Variants in CCBE1 observed in about 807,000 individuals in gnomAD.
CCBE1 encodes collagen and calcium binding EGF domains 1.
A neutral mutation model predicts 50.0 loss-of-function variants in CCBE1; 37 were observed. That is an observed-to-expected ratio of 0.74 (90% confidence interval 0.57 to 0.97). The LOEUF (loss-of-function observed/expected upper bound fraction) is 0.97, where lower values mean the gene tolerates loss of function less well. Among genes scored for constraint, CCBE1 ranks in the 50% least tolerant of loss-of-function variants. The probability of loss-of-function intolerance (pLI) is 0.00; values close to 1 mark genes in which losing one functional copy is unlikely to be tolerated. For missense variants in CCBE1, 538 were observed against 523.8 expected, an observed-to-expected ratio of 1.03 and a Z score of -0.26; for synonymous variants, 234 against 203.7, an observed-to-expected ratio of 1.15 and a Z score of -1.27.
In CCBE1 at chr18:59,506,116, G is replaced by T. The variant is rs1228701627; in HGVS notation, c.213-25878C>A. On this transcript the variant is annotated intron_variant, in intron 2 of 10. Transcript: ENST00000439986. The stretch of plus-strand genomic sequence containing the variant: ...TAAGAATTGGGATGAGATAATTATT[G>T]GATTAGGATGGACCCTAAATCAATA... 2.6e-5 allele frequency among the ~76,000 whole-genome samples: 4 copies of T among 152,160 alleles called. No individual in the cohort carries two copies. In the South Asian group the frequency reaches 6.2e-4, roughly 24 times the overall value.
At chr18:59,548,250 G>C (rs935394906) in intron 2 of CCBE1, among the ~76,000 whole-genome samples, 1 of 152,196 alleles carries the variant, frequency 6.6e-6, no homozygotes, top group Non-Finnish European at 1.5e-5. Context: ...TTAAAAGAAA[G>C]ATATCTTTGT....
chr18:59,443,402 A>G (rs943325594), intron 7 of CCBE1, among the ~76,000 whole-genome samples: 1 of 152,088 alleles, frequency 6.6e-6, no homozygotes, highest in Admixed American at 6.5e-5. Flanking sequence ...GGGATGAGGG[A>G]AGAGAGAGTG....
intron 2 of CCBE1, among the ~76,000 whole-genome samples, chr18:59,612,330 G>GA (rs5825351): frequency 0.36 from 46,593 of 130,462 alleles, 8,338 homozygotes; most frequent in East Asian, 0.63. Context: ...AGAAAAAAAA[G>GA]AAAAAAAAAA....
At chr18:59,494,586 A>T (rs997193277) in intron 2 of CCBE1, among the ~76,000 whole-genome samples, 4 of 152,070 alleles carry the variant, frequency 2.6e-5, no homozygotes, top group African/African-American at 9.7e-5. Context: ...GATATACAGA[A>T]TAAAAAAATC....
At chr18:59,603,399 C>G (rs1302293247) in intron 2 of CCBE1, among the ~76,000 whole-genome samples, 1 of 152,142 alleles carries the variant, frequency 6.6e-6, no homozygotes, top group East Asian at 1.9e-4. Context: ...CAATCACTCA[C>G]CTCTACCCCT....
intron 2 of CCBE1, among the ~76,000 whole-genome samples, chr18:59,547,324 TGACCTTAGAGAAA>T (rs1915745859): frequency 6.6e-6 from 1 of 152,054 alleles, no homozygotes; most frequent in African/African-American, 2.4e-5. Context: ...GAGTTCGAGT[TGACCTTAGAGAAA>T]ACAGTAGAGC....
chr18:59,440,455 T>C (rs1272107161), intron 7 of CCBE1, among the ~76,000 whole-genome samples: 1 of 152,208 alleles, frequency 6.6e-6, no homozygotes, highest in Non-Finnish European at 1.5e-5. Context: ...TTGCTTTGAC[T>C]CTTGCCTCAT....
At chr18:59,674,745 T>TA (rs2054477031) in intron 2 of CCBE1, among the ~76,000 whole-genome samples, 1 of 152,238 alleles carries the variant, frequency 6.6e-6, no homozygotes, top group African/African-American at 2.4e-5. Flanking sequence ...TCTCTTCTGC[T>TA]ATTACACAAT....
In CCBE1 at chr18:59,611,699, T is replaced by A. The variant is rs2053570632; in HGVS notation, c.212+84930A>T. Among the ~76,000 whole-genome samples, 8 of 152,236 alleles carry A rather than the reference T, an allele frequency of 5.3e-5. No individual in the cohort carries two copies. The South Asian group carries it at 1.7e-3, about 32-fold the overall frequency. Reference sequence around the variant, plus strand: ...AGGCTGAGGTTGCAGTGAACCAAGATTGTGCCACTGCACTCCAGCATGGGC... The same window carrying A: ...AGGCTGAGGTTGCAGTGAACCAAGAATGTGCCACTGCACTCCAGCATGGGC... On this transcript the variant is annotated intron_variant, in intron 2 of 10. Coordinates refer to ENST00000439986, the MANE Select transcript of CCBE1 (RefSeq NM_133459.4).
intron 2 of CCBE1, among the ~76,000 whole-genome samples, chr18:59,629,907 C>G (rs2053830503): frequency 6.6e-6 from 1 of 152,194 alleles, no homozygotes; most frequent in Admixed American, 6.5e-5. Flanking sequence ...AACTTCATCC[C>G]AGTTCTCTGC....
chr18:59,512,175 C>T lies in CCBE1; in HGVS notation c.213-31937G>A, dbSNP rs572714586. On this transcript the variant is annotated intron_variant, in intron 2 of 10. Coordinates refer to ENST00000439986, the MANE Select transcript of CCBE1 (RefSeq NM_133459.4). ...GTCCCTTTAAATGATACCAAAGAAG[C>T]GAAGTGCTGGGTAGAGAAGGGTGTG... is the stretch of plus-strand genomic sequence containing the variant. 6.6e-5 allele frequency among the ~76,000 whole-genome samples: 10 copies of T among 152,280 alleles called. 1 individual carries two copies. In the South Asian group the frequency reaches 1.7e-3, roughly 25 times the overall value.
chr18:59,625,193 A>C (rs2053764432), intron 2 of CCBE1, among the ~76,000 whole-genome samples: 1 of 152,178 alleles, frequency 6.6e-6, no homozygotes, highest in Non-Finnish European at 1.5e-5. Context: ...GCACTTTGGG[A>C]GGCTGAGGCG....
At chr18:59,483,609 C>T (rs1912678087) in intron 2 of CCBE1, among the ~76,000 whole-genome samples, 1 of 152,132 alleles carries the variant, frequency 6.6e-6, no homozygotes, top group African/African-American at 2.4e-5. Context: ...TTCATAAAAT[C>T]CCTAATTAGT....
At chr18:59,696,127 C>T (rs182890701) in intron 2 of CCBE1, among the ~76,000 whole-genome samples, 1 of 152,228 alleles carries the variant, frequency 6.6e-6, no homozygotes, top group Admixed American at 6.5e-5. Context: ...TCCTCTGCCC[C>T]AACAATCTTT....
At chr18:59,657,267 G>C (rs752193427) in intron 2 of CCBE1, among the ~76,000 whole-genome samples, 2 of 152,198 alleles carry the variant, frequency 1.3e-5, no homozygotes, top group African/African-American at 2.4e-5. Context: ...GAGCTTCAAG[G>C]CATGCCCAGG....
intron 2 of CCBE1, among the ~76,000 whole-genome samples, chr18:59,619,021 A>G (rs1402697142): frequency 1.3e-5 from 2 of 152,210 alleles, no homozygotes; most frequent in Non-Finnish European, 2.9e-5. Flanking sequence ...TTTAGCAGTT[A>G]GAAATTAACT....
At chr18:59,515,849 G>A (rs1298643407) in intron 2 of CCBE1, among the ~76,000 whole-genome samples, 4 of 152,180 alleles carry the variant, frequency 2.6e-5, no homozygotes, top group Non-Finnish European at 5.9e-5. Context: ...TGCAAAATGG[G>A]CATAGTAAGA....
chr18:59,603,813 A>C (rs1176430256), intron 2 of CCBE1, among the ~76,000 whole-genome samples: 1 of 152,208 alleles, frequency 6.6e-6, no homozygotes, highest in East Asian at 1.9e-4. Context: ...GAAGATACAA[A>C]GCAGCTAGGA....
At chr18:59,559,971 T>C (rs979889742) in intron 2 of CCBE1, among the ~76,000 whole-genome samples, 1 of 152,050 alleles carries the variant, frequency 6.6e-6, no homozygotes, top group East Asian at 1.9e-4. Flanking sequence ...AGGGTGACAA[T>C]GGACTTTCAC....
Sources: allele counts gnomAD v4.1 joint callset (sites outside exome capture counted in the v4.1 genomes callset), GRCh38; gene constraint gnomAD v4.1.1; transcripts MANE v1.5; gene names NCBI Gene and HGNC (gene_info 2026-07-23, HGNC 2026-07-21).